The following CYP3A5 variants were observed in gnomAD, a reference collection of about 807,000 sequenced individuals.
CYP3A5 encodes the protein cytochrome P450 3A5.
In CYP3A5, 51 loss-of-function variants were observed where a neutral mutation model predicts 55.9. That is an observed-to-expected ratio of 0.91 (90% CI 0.73 to 1.15). CYP3A5 has a LOEUF of 1.15. Among genes scored for constraint, CYP3A5 ranks in the 50% most tolerant of loss-of-function variants. CYP3A5 has a pLI of 0.00. For synonymous variants in CYP3A5, 196 were observed against 213.9 expected (o/e 0.92, Z 0.73); for missense variants, 533 against 596.6 (o/e 0.89, Z 1.11).
rs757604076 is a variant in CYP3A5 at position 99,666,982 on chromosome 7, A to T, written c.402T>A (p.Ser134=). The T allele has an allele frequency of 6.8e-6, 11 of 1,613,922 alleles. No homozygotes were observed. The East Asian group carries it at 2.2e-4, about 33-fold the overall frequency. Residue 134 remains serine, a synonymous_variant, in exon 5 of 13, where the codon TCT becomes TCA. Transcript: ENST00000222982. The stretch of plus-strand genomic sequence containing the variant: ...TGAGTTTTCCGCTGGTGAAGGTTGG[A>T]GACAGCAATGACCGTATTCTCTTCC... ...EEWKRIRSLL[S]PTFTSGKLKE... is the part of the protein sequence containing the mutation.
rs760416387 is a variant in CYP3A5 at position 99,665,355 on chromosome 7, T to G, written c.522-41A>C. The stretch of plus-strand genomic sequence containing the variant: ...TATGGAAAATTAAAATCAGCACCTC[T>G]TACCGTCCTTCCACTATACATGCAG... On this transcript the variant is annotated intron_variant, in intron 6 of 12. Transcript: ENST00000222982. The G allele has an allele frequency of 8.7e-6, 14 of 1,611,630 alleles. No individual in the cohort carries two copies. In the South Asian group the frequency reaches 8.8e-5, roughly 10 times the overall value.
At chr7:99,669,108 A>G (rs374083567) in intron 4 of CYP3A5, among the ~76,000 whole-genome samples, 38 of 152,348 alleles carry the variant, frequency 2.5e-4, no homozygotes, top group African/African-American at 8.7e-4. Flanking sequence ...GGCTTCCACA[A>G]TGTCTTAAAA....
chr7:99,652,773 G>C lies in CYP3A5; in HGVS notation c.1033C>G (p.Pro345Ala), dbSNP rs762725013. The C allele has an allele frequency of 1.2e-5, 20 of 1,612,816 alleles. No homozygotes were observed. The highest frequency in any genetic ancestry group is 1.7e-5 in the Non-Finnish European group (20 of 1,179,216). ...ATCTGTACCACGGCATCATAGGTAGGTGGTGCCTGGAAGGAAAGAAACAGA... is the reference window on the plus strand; with the variant it reads ...ATCTGTACCACGGCATCATAGGTAGCTGGTGCCTGGAAGGAAAGAAACAGA... ...IDAVLPNKAP[P>A]TYDAVVQMEY... Residue 345 changes from proline (P) to alanine (A), a missense_variant, in exon 11 of 13, where the codon CCT becomes GCT. Pro to Ala is a conservative substitution (Grantham distance 27). Coordinates refer to ENST00000222982, the MANE Select transcript of CYP3A5 (RefSeq NM_000777.5).
intron 10 of CYP3A5, chr7:99,660,245 T>TTTTA (rs1166191814): frequency 2.7e-6 from 2 of 738,736 alleles, no homozygotes; most frequent in Non-Finnish European, 3.3e-6. Flanking sequence ...TTTTTTTTTT[T>TTTTA]ACTTAGCATT....
rs556096535 is a variant in CYP3A5 at position 99,655,024 on chromosome 7, C to A, written c.1027-2245G>T. Among the ~76,000 whole-genome samples the A allele has an allele frequency of 1.3e-3, 199 of 152,144 alleles. 3 individuals carry two copies. Among genetic ancestry groups the A allele is most frequent in the Middle Eastern group, 0.01 (3 of 294 alleles). On this transcript the variant is annotated intron_variant, in intron 10 of 12. Coordinates refer to ENST00000222982, the MANE Select transcript of CYP3A5 (RefSeq NM_000777.5). ...TTGCAAAAATTTTCTCCCATTCTGT[C>A]GGTTGCCTGTTCACTCTGATGGTAG...
intron 10 of CYP3A5, among the ~76,000 whole-genome samples, chr7:99,658,415 T>A (rs1810009643): frequency 6.6e-6 from 1 of 152,202 alleles, no homozygotes; most frequent in Non-Finnish European, 1.5e-5. Context: ...TGGCCCCCAC[T>A]CTCTACTGGC....
chr7:99,666,589 G>A lies in CYP3A5; in HGVS notation c.521+12C>T, dbSNP rs1410174868. The A allele has an allele frequency of 1.9e-6, 3 of 1,612,732 alleles. No individual in the cohort carries two copies. Among genetic ancestry groups the A allele is most frequent in the Admixed American group, 3.3e-5 (2 of 59,958 alleles). On this transcript the variant is annotated intron_variant, in intron 6 of 12. Transcript: ENST00000222982. ...TGACAGCTCAGAACCCCATGGCTGT[G>A]CTCCTACTTACTCTTTCAAGGTGAC...
Position 99,653,181 on chromosome 7 carries a change from G to C in CYP3A5, c.1027-402C>G, listed in dbSNP as rs1430158754. On this transcript the variant is annotated intron_variant, in intron 10 of 12. Transcript: ENST00000222982. The surrounding 1 kb of genome is among the most constrained non-coding windows in gnomAD (Gnocchi z 4.2). ...CCAAGAAAGAAAAACAGGGAAAAGA[G>C]CAAATATCCTCTTCACACAAGGATT... Among the ~76,000 whole-genome samples the C allele has an allele frequency of 6.6e-6, 1 of 152,204 alleles. No homozygotes were observed. Among genetic ancestry groups the C allele is most frequent in the Non-Finnish European group, 1.5e-5 (1 of 68,036 alleles).
At chr7:99,667,116 T>C (rs1313855550) in intron 4 of CYP3A5, 51 bp from the exon 5 acceptor site, 5 of 1,527,484 alleles carry the variant, frequency 3.3e-6, no homozygotes, top group Non-Finnish European at 4.5e-6. Flanking sequence ...GTGATCTTCA[T>C]GGTTGCACAA....
At chr7:99,671,719 T>C in intron 4 of CYP3A5, 4 of 667,190 alleles carry the variant, frequency 6.0e-6, no homozygotes, top group South Asian at 4.9e-5. Flanking sequence ...TAAAAGGAAA[T>C]ATTAATACAT....
intron 12 of CYP3A5, among the ~76,000 whole-genome samples, chr7:99,648,674 T>A (rs1808864312): frequency 6.6e-6 from 1 of 152,128 alleles, no homozygotes. Flanking sequence ...GTTTTTTTTT[T>A]TTTATTTAAA....
At chr7:99,675,067 A>G (rs368881563) in intron 2 of CYP3A5, among the ~76,000 whole-genome samples, 15 of 152,144 alleles carry the variant, frequency 9.9e-5, no homozygotes, top group African/African-American at 3.6e-4. Flanking sequence ...GAAACCAGGA[A>G]CCTCTTTTAG....
At chr7:99,673,481 C>T (rs1387009450) in intron 3 of CYP3A5, among the ~76,000 whole-genome samples, 1 of 152,158 alleles carries the variant, frequency 6.6e-6, no homozygotes, top group African/African-American at 2.4e-5. Context: ...AAAGTAAGTG[C>T]AATGGTATAA....
intron 2 of CYP3A5, 56 bp downstream of exon 2, chr7:99,676,059 A>C: frequency 6.7e-7 from 1 of 1,484,912 alleles, no homozygotes; most frequent in Non-Finnish European, 9.4e-7. Context: ...TTACTGATGG[A>C]ACTAAGCTGA....
chr7:99,656,938 C>A (rs1269652339), intron 10 of CYP3A5, among the ~76,000 whole-genome samples: 2 of 152,126 alleles, frequency 1.3e-5, no homozygotes, highest in African/African-American at 4.8e-5. Context: ...TCCCCTTTAT[C>A]ATTTTTATTG....
intron 4 of CYP3A5, 109 bp downstream of exon 4, chr7:99,672,471 C>A: frequency 3.2e-6 from 3 of 934,876 alleles, no homozygotes; most frequent in South Asian, 1.5e-5. Context: ...GTACATGGAA[C>A]CTTCCTGTAC....
At chr7:99,652,921 A>G (rs1686039896) in intron 10 of CYP3A5, 142 bp from the exon 11 acceptor site, 2 of 661,576 alleles carry the variant, frequency 3.0e-6, no homozygotes, top group Non-Finnish European at 5.2e-6. Context: ...AAGTATTTTA[A>G]TAACTGGCAT....
chr7:99,678,482 G>A lies in CYP3A5; in HGVS notation c.71+1344C>T, dbSNP rs78173108. 1.2e-3 allele frequency among the ~76,000 whole-genome samples: 175 copies of A among 152,166 alleles called. 3 individuals carry two copies. In the East Asian group the frequency reaches 0.027, roughly 23 times the overall value. Reference sequence around the variant, plus strand: ...AAAGGAGTTATTAAAATAAATGGCCGGACAGGTATATTTGAAAAGACGTGC... The same window carrying A: ...AAAGGAGTTATTAAAATAAATGGCCAGACAGGTATATTTGAAAAGACGTGC... On this transcript the variant is annotated intron_variant, in intron 1 of 12. Coordinates refer to ENST00000222982, the MANE Select transcript of CYP3A5 (RefSeq NM_000777.5).
intron 8 of CYP3A5, 131 bp from the exon 9 acceptor site, chr7:99,663,013 T>C: frequency 1.4e-6 from 2 of 1,452,338 alleles, no homozygotes. Flanking sequence ...TGAAGACGTG[T>C]TACCTGAGTC....
Sources: gnomAD v4.1 joint callset for allele counts (sites outside exome capture counted in the v4.1 genomes callset) on GRCh38, gnomAD v4.1.1 for gene constraint, Gnocchi (gnomAD v3.1) non-coding constraint, MANE v1.5 for transcripts, NCBI Gene and HGNC (gene_info 2026-07-23, HGNC 2026-07-21) for gene names.